SFMBT2: variants seen among roughly 807,000 people sequenced by gnomAD.
The protein encoded by SFMBT2 is scm-like with four MBT domains protein 2.
SFMBT2 carries 38 observed loss-of-function variants against 110.1 expected under a neutral mutation model. The ratio of observed to expected loss-of-function variants is 0.35; its 90% confidence interval spans 0.27 to 0.45. SFMBT2 has a LOEUF of 0.45. SFMBT2 is among the 20% of genes least tolerant of loss of function. The probability of loss-of-function intolerance (pLI) is 1.00; values close to 1 mark genes in which losing one functional copy is unlikely to be tolerated. For missense variants in SFMBT2, 1,011 were observed against 1,094.9 expected (o/e 0.92, Z 1.08); for synonymous variants, 425 against 425.4 (o/e 1.00, Z 0.01).
intron 4 of SFMBT2, among the ~76,000 whole-genome samples, chr10:7,361,082 T>C (rs1844702572): frequency 6.6e-6 from 1 of 152,238 alleles, no homozygotes; most frequent in African/African-American, 2.4e-5. Context: ...TGTTCTGCTC[T>C]CTTATTACTA....
At chr10:7,385,873 A>G (rs1034023748) in intron 1 of SFMBT2, among the ~76,000 whole-genome samples, 160 of 152,204 alleles carry the variant, frequency 1.1e-3, no homozygotes, top group Middle Eastern at 3.4e-3. Context: ...GGTGGTGGGC[A>G]CCTGTAGTCC....
rs570034052 is a variant in SFMBT2, at chr10:7,345,186, C to G, written c.436+22463G>C. On this transcript the variant is annotated intron_variant, in intron 4 of 20. Coordinates refer to ENST00000397167, the MANE Select transcript of SFMBT2 (RefSeq NM_001387889.1). ...TTCCCTGGGGTCTGCAAGTGAGACA[C>G]CTTAGAAGGTGCCAGGGCTTATAAA... Among the ~76,000 whole-genome samples the G allele has an allele frequency of 1.2e-4, 18 of 152,140 alleles. No homozygotes were observed. The South Asian group carries it at 3.7e-3, about 32-fold the overall frequency.
chr10:7,158,856 C>T lies in SFMBT2; in HGVS notation c.*4914G>A, dbSNP rs1301260051. On this transcript the variant is annotated 3_prime_UTR_variant, in exon 21 of 21. Transcript: ENST00000397167. Reference sequence around the variant, plus strand: ...TTCCCTTTTACGCACCAAAAACATACACAAGATAGGAATCCAATTTCAATA... The same window carrying T: ...TTCCCTTTTACGCACCAAAAACATATACAAGATAGGAATCCAATTTCAATA... The T allele has an allele frequency of 1.3e-5, 2 of 152,074 alleles. No individual in the cohort carries two copies. Among genetic ancestry groups the T allele is most frequent in the Non-Finnish European group, 2.9e-5 (2 of 68,016 alleles). 9.4% of individuals were successfully genotyped at this position (152,074 alleles called of 1,614,324 possible).
rs41290245 is a variant in SFMBT2, at chr10:7,160,181, G to T, written c.*3589C>A. 2.0e-5 allele frequency: 3 copies of T among 152,156 alleles called. No homozygotes were observed. Among genetic ancestry groups the T allele is most frequent in the Non-Finnish European group, 2.9e-5 (2 of 68,046 alleles). 9.4% of individuals were successfully genotyped at this position (152,156 alleles called of 1,614,324 possible). ...TGAAAGTGATGGATGAGTTCCCCACGCTGTGCAGCTCCGTGGTGAAGTTCA... is the reference window on the plus strand; with the variant it reads ...TGAAAGTGATGGATGAGTTCCCCACTCTGTGCAGCTCCGTGGTGAAGTTCA... On this transcript the variant is annotated 3_prime_UTR_variant, in exon 21 of 21. Transcript: ENST00000397167.
intron 4 of SFMBT2, among the ~76,000 whole-genome samples, chr10:7,355,486 C>T (rs1413681311): frequency 3.3e-5 from 5 of 152,114 alleles, no homozygotes; most frequent in African/African-American, 4.8e-5. Flanking sequence ...TATGTGAGAA[C>T]AGTGTGAATT....
chr10:7,283,918 A>G lies in SFMBT2; in HGVS notation c.758T>C (p.Met253Thr), dbSNP rs1842017346. 1 of 1,596,584 alleles carries G rather than the reference A, an allele frequency of 6.3e-7. No homozygotes were observed. Among genetic ancestry groups the G allele is most frequent in the African/African-American group, 1.3e-5 (1 of 74,632 alleles). ...TTGGCCCTTACCTGAAGGTGGGTCC[A>G]TTCTGTATTTATTCTCTTGACACCA... ...VGWCQENKYR[M>T]DPPSEIYPLK... The change falls in exon 6 of 21, where the codon ATG (methionine) becomes ACG (threonine). Residue 253 changes from methionine to threonine, a missense_variant. Around this residue, in one of 2 missense-constraint regions of SFMBT2, gnomAD observed 979 missense variants for 1,016.1 expected, o/e 0.96. Transcript: ENST00000397167.
intron 9 of SFMBT2, among the ~76,000 whole-genome samples, chr10:7,239,310 T>C (rs1178693276): frequency 6.6e-6 from 1 of 152,238 alleles, no homozygotes. Context: ...CTTGGCAATA[T>C]GTACAATAAA....
chr10:7,260,530 T>G (rs1841158900), intron 7 of SFMBT2, among the ~76,000 whole-genome samples: 1 of 152,176 alleles, frequency 6.6e-6, no homozygotes, highest in African/African-American at 2.4e-5. Flanking sequence ...CTATGCTGCT[T>G]CTTCAAAGCA....
In SFMBT2 at chr10:7,220,409, AC is replaced by A. The variant is rs766110636; in HGVS notation, c.1330+1del. On this transcript the variant is annotated splice_donor_variant, in intron 11 of 20. Transcript: ENST00000397167. LOFTEE classifies it high-confidence loss of function. Reference sequence around the variant, plus strand: ...CGACTGCTACCCCCAGCGAGTACGTACCTTCCAGGTGAAGCCACATTAGCCG... The same window carrying A: ...CGACTGCTACCCCCAGCGAGTACGTACTTCCAGGTGAAGCCACATTAGCCG... 6.2e-7 allele frequency: 1 copy of A among 1,613,708 alleles called. No individual in the cohort carries two copies. The highest frequency in any genetic ancestry group is 8.5e-7 in the Non-Finnish European group (1 of 1,179,722).
intron 1 of SFMBT2, among the ~76,000 whole-genome samples, chr10:7,407,201 C>T (rs933280260): frequency 1.3e-5 from 2 of 152,100 alleles, no homozygotes; most frequent in African/African-American, 4.8e-5. Flanking sequence ...TGAGCAACAA[C>T]GCCTCTCCCC....
intron 16 of SFMBT2, among the ~76,000 whole-genome samples, chr10:7,180,834 T>C (rs912126749): frequency 2.0e-4 from 30 of 151,912 alleles, no homozygotes; most frequent in African/African-American, 7.0e-4. Context: ...ACTCCAAAGG[T>C]GGAGAGCACA....
chr10:7,323,546 A>G, intron 4 of SFMBT2, among the ~76,000 whole-genome samples: 1 of 152,002 alleles, frequency 6.6e-6, no homozygotes, highest in East Asian at 1.9e-4. Flanking sequence ...GGTGTTGGAA[A>G]GGAGCCCCAA....
At chr10:7,389,831 C>T (rs1588504545) in intron 1 of SFMBT2, among the ~76,000 whole-genome samples, 1 of 152,190 alleles carries the variant, frequency 6.6e-6, no homozygotes, top group East Asian at 1.9e-4. Context: ...ACATTTTCTG[C>T]ATTCAGATTA....
chr10:7,169,126 C>A (rs1005020598), intron 20 of SFMBT2, among the ~76,000 whole-genome samples: 1 of 151,998 alleles, frequency 6.6e-6, no homozygotes, highest in Non-Finnish European at 1.5e-5. Flanking sequence ...CCACGCCCAG[C>A]TAATTTTTTT....
At chr10:7,289,030 C>A (rs1307999140) in intron 4 of SFMBT2, among the ~76,000 whole-genome samples, 1 of 152,026 alleles carries the variant, frequency 6.6e-6, no homozygotes, top group Non-Finnish European at 1.5e-5. Context: ...CCTCAAGCCC[C>A]CAGGTGTTCA....
intron 4 of SFMBT2, among the ~76,000 whole-genome samples, chr10:7,300,732 A>C (rs763947802): frequency 1.3e-5 from 2 of 152,254 alleles, no homozygotes; most frequent in African/African-American, 2.4e-5. Flanking sequence ...CTGAGCAGAA[A>C]TCTAATAAAC....
chr10:7,195,298 C>T (rs1333296897), intron 15 of SFMBT2, among the ~76,000 whole-genome samples: 2 of 152,212 alleles, frequency 1.3e-5, no homozygotes, highest in Non-Finnish European at 2.9e-5. Context: ...AATTTATTCA[C>T]TTAGCATTAA....
At chr10:7,260,928 C>A (rs965264513) in intron 7 of SFMBT2, among the ~76,000 whole-genome samples, 1 of 151,774 alleles carries the variant, frequency 6.6e-6, no homozygotes, top group African/African-American at 2.4e-5. Flanking sequence ...TTTGCGCAGT[C>A]TTTAAATACC....
At chr10:7,346,480 G>A (rs779849072) in intron 4 of SFMBT2, among the ~76,000 whole-genome samples, 13 of 151,972 alleles carry the variant, frequency 8.6e-5, no homozygotes, top group Non-Finnish European at 1.5e-4. Flanking sequence ...CTCTTTAAAC[G>A]TTAATGCAAG....
Sources: allele counts gnomAD v4.1 joint callset (sites outside exome capture counted in the v4.1 genomes callset), GRCh38; gene constraint gnomAD v4.1.1; regional missense constraint gnomAD v4.1.1; transcripts MANE v1.5; gene names NCBI Gene and HGNC (gene_info 2026-07-23, HGNC 2026-07-21).